CAB39L: variants seen among roughly 807,000 people sequenced by gnomAD.
CAB39L encodes calcium-binding protein 39-like.
In CAB39L, 23 loss-of-function variants were observed where a neutral mutation model predicts 39.1. That is an observed-to-expected ratio of 0.59 (90% CI 0.42 to 0.83). CAB39L has a LOEUF of 0.83. Among genes scored for constraint, CAB39L ranks in the 40% least tolerant of loss-of-function variants. The pLI is 0.00. For missense variants in CAB39L, 366 were observed against 391.9 expected (o/e 0.93, Z 0.56); for synonymous variants, 126 against 137.2 (o/e 0.92, Z 0.57).
intron 10 of CAB39L, among the ~76,000 whole-genome samples, chr13:49,320,159 G>A (rs1463030902): frequency 6.6e-6 from 1 of 152,224 alleles, no homozygotes; most frequent in African/African-American, 2.4e-5. Context: ...CAAGGCCTGA[G>A]ATTAACACAC....
chr13:49,402,541 G>A lies in CAB39L; in HGVS notation c.-31-19600C>T, dbSNP rs141451040. ...AAAAGTCTTGGGCCCTTCTACTGAC[G>A]GATCTTCCAAGTACAGAAGGAACAG... On this transcript the variant is annotated intron_variant, in intron 3 of 10. Coordinates refer to ENST00000409308, the MANE Select transcript of CAB39L (RefSeq NM_001079670.3). Among the ~76,000 whole-genome samples, 938 of 152,118 alleles carry A rather than the reference G, an allele frequency of 6.2e-3. 16 individuals carry two copies. Among genetic ancestry groups the A allele is most frequent in the African/African-American group, 0.022 (912 of 41,502 alleles).
intron 5 of CAB39L, among the ~76,000 whole-genome samples, chr13:49,361,426 C>T (rs1463653222): frequency 1.5e-5 from 2 of 129,964 alleles, no homozygotes; most frequent in Non-Finnish European, 3.1e-5. Flanking sequence ...TGCAGTGAAC[C>T]GAGATCGTGC....
chr13:49,352,070 A>G lies in CAB39L; in HGVS notation c.396-1158T>C, dbSNP rs1182435484. Among the ~76,000 whole-genome samples, 4 of 152,124 alleles carry G rather than the reference A, an allele frequency of 2.6e-5. No homozygotes were observed. In the East Asian group the frequency reaches 7.7e-4, roughly 29 times the overall value. Reference sequence around the variant, plus strand: ...AGATAGGAGAGACCTATATAAATATATGATTTGCATGCAGTAGGTGGCTAA... The same window carrying G: ...AGATAGGAGAGACCTATATAAATATGTGATTTGCATGCAGTAGGTGGCTAA... On this transcript the variant is annotated intron_variant, in intron 6 of 10. Coordinates refer to ENST00000409308, the MANE Select transcript of CAB39L (RefSeq NM_001079670.3).
chr13:49,378,288 C>G (rs1956144814), intron 4 of CAB39L, among the ~76,000 whole-genome samples: 1 of 85,766 alleles, frequency 1.2e-5, no homozygotes, highest in Admixed American at 9.4e-5. Context: ...CCCGCCCGGC[C>G]AGCCGCCCCA....
At chr13:49,355,304 C>T (rs1001429437) in intron 6 of CAB39L, among the ~76,000 whole-genome samples, 6 of 151,932 alleles carry the variant, frequency 3.9e-5, no homozygotes, top group African/African-American at 1.5e-4. Context: ...ATCACTTGAG[C>T]CTAGGAGGTT....
At chr13:49,336,261 A>C (rs1008565975) in intron 9 of CAB39L, among the ~76,000 whole-genome samples, 1 of 152,076 alleles carries the variant, frequency 6.6e-6, no homozygotes, top group Admixed American at 6.5e-5. Flanking sequence ...TCTTCCTATA[A>C]TCTAACATTA....
chr13:49,408,147 G>A (rs1400088636), intron 3 of CAB39L, among the ~76,000 whole-genome samples: 1 of 152,170 alleles, frequency 6.6e-6, no homozygotes, highest in Non-Finnish European at 1.5e-5. Context: ...TAACCAGACA[G>A]TGGGAATAAA....
At chr13:49,376,053 A>G (rs1053978754) in intron 5 of CAB39L, among the ~76,000 whole-genome samples, 21 of 152,216 alleles carry the variant, frequency 1.4e-4, no homozygotes, top group Non-Finnish European at 2.8e-4. Context: ...AGAGAGCTGT[A>G]GGCTACTACT....
At chr13:49,423,763 T>C (rs904336054) in intron 3 of CAB39L, among the ~76,000 whole-genome samples, 1 of 152,132 alleles carries the variant, frequency 6.6e-6, no homozygotes, top group Admixed American at 6.5e-5. Context: ...GTACAACACA[T>C]GGAGAACACA....
intron 3 of CAB39L, among the ~76,000 whole-genome samples, chr13:49,417,244 G>A (rs117874936): frequency 0.024 from 3,658 of 152,256 alleles, 62 homozygotes; most frequent in Middle Eastern, 0.061. Context: ...CATTATTTGA[G>A]TATACCAGCC....
At chr13:49,408,812 CAG>C (rs1339584574) in intron 3 of CAB39L, among the ~76,000 whole-genome samples, 1 of 151,958 alleles carries the variant, frequency 6.6e-6, no homozygotes, top group African/African-American at 2.4e-5. Flanking sequence ...GCCTGGGCAA[CAG>C]AGTGAGACCC....
chr13:49,410,293 T>C (rs1003432454), intron 3 of CAB39L, among the ~76,000 whole-genome samples: 4 of 152,222 alleles, frequency 2.6e-5, no homozygotes, highest in Non-Finnish European at 4.4e-5. Flanking sequence ...TGAAAAGTTC[T>C]TGCTCAAGTC....
chr13:49,357,817 G>T (rs1955527460), intron 6 of CAB39L, among the ~76,000 whole-genome samples: 1 of 152,118 alleles, frequency 6.6e-6, no homozygotes, highest in Admixed American at 6.5e-5. Flanking sequence ...GTTGCCTACA[G>T]AATGACATTC....
intron 10 of CAB39L, among the ~76,000 whole-genome samples, chr13:49,326,490 G>A (rs1282445013): frequency 2.0e-5 from 3 of 152,168 alleles, no homozygotes; most frequent in Non-Finnish European, 4.4e-5. Context: ...ATGAGAGTCA[G>A]CCATTAACAA....
At chr13:49,337,774 A>G (rs1016350285) in intron 9 of CAB39L, among the ~76,000 whole-genome samples, 2 of 129,800 alleles carry the variant, frequency 1.5e-5, no homozygotes, top group African/African-American at 2.9e-5. Flanking sequence ...ACACACACAC[A>G]CGCCTATCTC....
At chr13:49,388,807 A>G (rs766212241) in intron 3 of CAB39L, among the ~76,000 whole-genome samples, 2 of 152,182 alleles carry the variant, frequency 1.3e-5, no homozygotes, top group Non-Finnish European at 2.9e-5. Context: ...AAAATCTCCA[A>G]GAAAAGATGG....
intron 4 of CAB39L, among the ~76,000 whole-genome samples, chr13:49,380,668 ATC>A (rs1956235448): frequency 6.6e-6 from 1 of 152,216 alleles, no homozygotes; most frequent in South Asian, 2.1e-4. Context: ...AATTTTTAAT[ATC>A]TCAATTTAAA....
intron 7 of CAB39L, among the ~76,000 whole-genome samples, chr13:49,347,619 T>C (rs1186502349): frequency 1.3e-5 from 2 of 152,164 alleles, no homozygotes; most frequent in East Asian, 3.9e-4. Context: ...TAGAAAGAAA[T>C]GGAATCATCC....
At chr13:49,352,316 T>C (rs1454131953) in intron 6 of CAB39L, among the ~76,000 whole-genome samples, 4 of 151,722 alleles carry the variant, frequency 2.6e-5, no homozygotes, top group Non-Finnish European at 5.9e-5. Flanking sequence ...TTCAAGAAAA[T>C]GAATAATGCT....
Sources: gnomAD v4.1 joint callset for allele counts (sites outside exome capture counted in the v4.1 genomes callset) on GRCh38, gnomAD v4.1.1 for gene constraint, MANE v1.5 for transcripts, NCBI Gene and HGNC (gene_info 2026-07-23, HGNC 2026-07-21) for gene names.